SIX5: variants seen among roughly 807,000 people sequenced by gnomAD.
SIX5 encodes the protein SIX homeobox 5.
In SIX5, 21 loss-of-function variants were observed where a neutral mutation model predicts 37.1. The ratio of observed to expected loss-of-function variants is 0.57; its 90% CI spans 0.40 to 0.81. The LOEUF (loss-of-function observed/expected upper bound fraction) is 0.81, where lower values mean the gene tolerates loss of function less well. SIX5 is among the 40% of genes least tolerant of loss of function. The pLI is 0.00. For synonymous variants in SIX5, 626 were observed against 505.9 expected (o/e 1.24, Z -3.19); for missense variants, 1,137 against 1,025.1 (o/e 1.11, Z -1.49).
chr19:45,769,191 G>C lies in SIX5; in HGVS notation c.-347C>G, dbSNP rs1969172206. 1 of 263,752 alleles carries C rather than the reference G, an allele frequency of 3.8e-6. No homozygotes were observed. Among genetic ancestry groups the C allele is most frequent in the Non-Finnish European group, 7.2e-6 (1 of 138,384 alleles). 16.3% of individuals were successfully genotyped at this position (263,752 alleles called of 1,614,324 possible). A position where few individuals can be genotyped will look rare whatever the true frequency, so the allele number is the denominator to read the frequency against. ...GTAACGGGCCGTCCAGGAGGACTAA[G>C]GGCGCGAAGCCTCCGCCCCGAGACT... On this transcript the variant is annotated 5_prime_UTR_variant, in exon 1 of 3. Transcript: ENST00000317578.
In SIX5 at chr19:45,766,656, C is replaced by T. The variant is rs1231110986; in HGVS notation, c.1303G>A (p.Ala435Thr). ...LAQVVPGPPT[A>T]ATFPLPPGPV... ...CCCGGGGGCAGAGGAAAGGTGGCAG[C>T]CGTCGGGGGGCCAGGCACCACTTGG... The change falls in exon 2 of 3, where the codon GCT becomes ACT. Residue 435 changes from alanine to threonine, a missense_variant. Ala to Thr is a moderately conservative substitution (Grantham distance 58). Around this residue, in one of 3 missense-constraint regions of SIX5, gnomAD observed 787 missense variants for 621.4 expected, o/e 1.27. Transcript: ENST00000317578. 2 of 1,483,344 alleles carry T rather than the reference C, an allele frequency of 1.3e-6. No individual in the cohort carries two copies. Among genetic ancestry groups the T allele is most frequent in the South Asian group, 1.3e-5 (1 of 75,204 alleles). The allele number at this position is 1,483,344 out of a possible 1,614,324, so 91.9% of individuals were successfully genotyped here.
intron 2 of SIX5, 119 bp downstream of exon 2, chr19:45,766,231 A>C: frequency 1.3e-6 from 2 of 1,497,384 alleles, no homozygotes; most frequent in South Asian, 1.3e-5. Flanking sequence ...GCCTTGGGGC[A>C]CTGGGACTTG....
In SIX5 at chr19:45,769,178, C is replaced by A. The variant is rs529198386; in HGVS notation, c.-334G>T. The A allele has an allele frequency of 4.2e-4, 131 of 309,416 alleles. No homozygotes were observed. The highest frequency in any genetic ancestry group is 2.7e-3 in the African/African-American group (125 of 45,924). 19.2% of individuals were successfully genotyped at this position (309,416 alleles called of 1,614,324 possible). Reference sequence around the variant, plus strand: ...GACAACGCAGAAGGTAACGGGCCGTCCAGGAGGACTAAGGGCGCGAAGCCT... The same window carrying A: ...GACAACGCAGAAGGTAACGGGCCGTACAGGAGGACTAAGGGCGCGAAGCCT... On this transcript the variant is annotated 5_prime_UTR_variant, in exon 1 of 3. Transcript: ENST00000317578.
Position 45,768,455 on chromosome 19 carries a change from C to A in SIX5, c.390G>T (p.Arg130=), listed in dbSNP as rs772335028. Residue 130 remains arginine (R), a synonymous_variant, in exon 1 of 3, where the codon CGG becomes CGT. Transcript: ENST00000317578. ...LRGSDPVLRA[R]ALVAFQRGEY... ...CGCCCCGCTGGAAGGCCACCAGGGCCCGCGCGCGCAACACCGGGTCGCTGC... is the reference window on the plus strand; with the variant it reads ...CGCCCCGCTGGAAGGCCACCAGGGCACGCGCGCGCAACACCGGGTCGCTGC... 5 of 1,530,926 alleles carry A rather than the reference C, an allele frequency of 3.3e-6. No homozygotes were observed. The South Asian group carries it at 3.6e-5, about 11-fold the overall frequency. 94.8% of individuals were successfully genotyped at this position (1,530,926 alleles called of 1,614,324 possible).
rs1300351523 is a variant in SIX5 at position 45,765,725 on chromosome 19, A to C, written c.1996T>G (p.Ser666Ala). The C allele has an allele frequency of 1.2e-6, 2 of 1,612,500 alleles. No homozygotes were observed. The highest frequency in any genetic ancestry group is 1.3e-5 in the African/African-American group (1 of 74,900). Residue 666 changes from serine (S) to alanine (A), a missense_variant, in exon 3 of 3, where the codon TCA becomes GCA. Physicochemically the swap from Ser to Ala is moderately conservative, Grantham distance 99 (BLOSUM62 1). Around this residue, in one of 3 missense-constraint regions of SIX5, gnomAD observed 787 missense variants for 621.4 expected, o/e 1.27. Transcript: ENST00000317578. ...MLSPAAVPVW[S>A]AGLELSAGTE... ...CCTGCGCTTAGTTCCAGCCCTGCTG[A>C]CCAGACAGGCACGGCCGCGGGTGAC... is the stretch of plus-strand genomic sequence containing the variant.
In SIX5 at chr19:45,768,791, C is replaced by G. The variant is rs961787737; in HGVS notation, c.54G>C (p.Ala18=). Residue 18 remains alanine (A), a synonymous_variant, in exon 1 of 3, where the codon GCG becomes GCC. Coordinates refer to ENST00000317578, the MANE Select transcript of SIX5 (RefSeq NM_175875.5). ...PSAGPAAGGE[A]VAAAAATEEE... ...CTTCGGTCGCCGCCGCCGCCGCCAC[C>G]GCCTCCCCCCCAGCCGCCGGCCCCG... 1.3e-6 allele frequency: 2 copies of G among 1,529,282 alleles called. No individual in the cohort carries two copies. The highest frequency in any genetic ancestry group is 2.0e-4 in the Middle Eastern group (1 of 5,080). 94.7% of individuals were successfully genotyped at this position (1,529,282 alleles called of 1,614,324 possible).
rs577947584 is a variant in SIX5, at chr19:45,765,324, G to T, written c.*177C>A. On this transcript the variant is annotated 3_prime_UTR_variant, in exon 3 of 3. Coordinates refer to ENST00000317578, the MANE Select transcript of SIX5 (RefSeq NM_175875.5). ...CCATCCAAAGGGGGATGGAGACCTG[G>T]ACAGGAGGTGGCCGGGGATACAACC... 66 of 842,682 alleles carry T rather than the reference G, an allele frequency of 7.8e-5. No individual in the cohort carries two copies. In the African/African-American group the frequency reaches 9.6e-4, roughly 12 times the overall value. 52.2% of individuals were successfully genotyped at this position (842,682 alleles called of 1,614,324 possible).
Position 45,765,252 on chromosome 19 carries a change from G to C in SIX5, c.*249C>G. 1 of 597,348 alleles carries C rather than the reference G, an allele frequency of 1.7e-6. No individual in the cohort carries two copies. Among genetic ancestry groups the C allele is most frequent in the South Asian group, 1.9e-5 (1 of 53,530 alleles). The allele number at this position is 597,348 out of a possible 1,614,324, so 37.0% of individuals were successfully genotyped here. A position where few individuals can be genotyped will look rare whatever the true frequency, so the allele number is the denominator to read the frequency against. On this transcript the variant is annotated 3_prime_UTR_variant, in exon 3 of 3. Coordinates refer to ENST00000317578, the MANE Select transcript of SIX5 (RefSeq NM_175875.5). ...TGAGTCAGGACCCTGAGTCCCCCACGTATATGGCAGGGCACAGCATGGGGA... is the reference window on the plus strand; with the variant it reads ...TGAGTCAGGACCCTGAGTCCCCCACCTATATGGCAGGGCACAGCATGGGGA...
At position 45,767,023 on chromosome 19, in the gene SIX5, G is replaced by T; in HGVS notation, c.936C>A (p.Pro312=). 1 of 1,608,642 alleles carries T rather than the reference G, an allele frequency of 6.2e-7. No homozygotes were observed. Among genetic ancestry groups the T allele is most frequent in the Non-Finnish European group, 8.5e-7 (1 of 1,178,930 alleles). Residue 312 remains proline (P), a synonymous_variant, in exon 2 of 3, where the codon CCC becomes CCA. Coordinates refer to ENST00000317578, the MANE Select transcript of SIX5 (RefSeq NM_175875.5). Reference sequence around the variant, plus strand: ...TGGAGGAGGAAGCCGGGCAAGGCGCGGGAGGGCCGGTCCCTGCCAGGAATA... The same window carrying T: ...TGGAGGAGGAAGCCGGGCAAGGCGCTGGAGGGCCGGTCCCTGCCAGGAATA... ...GSIFLAGTGP[P]APCPASSSIL... is the part of the protein sequence containing the mutation.
chr19:45,768,774 G>A lies in SIX5; in HGVS notation c.71C>T (p.Ala24Val), dbSNP rs1008770522. The change falls in exon 1 of 3, where the codon GCG (alanine) becomes GTG (valine). Residue 24 changes from alanine to valine, a missense_variant. Transcript: ENST00000317578. ...CGCTTCCTCCTCCTCCTCTTCGGTC[G>A]CCGCCGCCGCCGCCACCGCCTCCCC... is the stretch of plus-strand genomic sequence containing the variant. The part of the protein sequence containing the change: ...AGGEAVAAAA[A>V]TEEEEEEARQ... 6 of 1,517,684 alleles carry A rather than the reference G, an allele frequency of 4.0e-6. No individual in the cohort carries two copies. The highest frequency in any genetic ancestry group is 1.4e-5 in the African/African-American group (1 of 72,182). The allele number at this position is 1,517,684 out of a possible 1,614,324, so 94.0% of individuals were successfully genotyped here. A position where few individuals can be genotyped will look rare whatever the true frequency, so the allele number is the denominator to read the frequency against.
rs756132352 is a variant in SIX5 at position 45,768,239 on chromosome 19, C to T, written c.606G>A (p.Glu202=). The T allele has an allele frequency of 1.2e-5, 19 of 1,613,008 alleles. No homozygotes were observed. Among genetic ancestry groups the T allele is most frequent in the Middle Eastern group, 3.3e-4 (2 of 6,084 alleles). Residue 202 remains glutamate, a synonymous_variant, in exon 1 of 3, where the codon GAG becomes GAA. Coordinates refer to ENST00000317578, the MANE Select transcript of SIX5 (RefSeq NM_175875.5). ...FPLPKTIWDG[E]ETVYCFKERS... The stretch of plus-strand genomic sequence containing the variant: ...GCTCCTTGAAGCAGTAGACTGTCTC[C>T]TCGCCGTCCCAGATGGTCTTGGGCA...
At chr19:45,767,712 C>T (rs1253138555) in intron 1 of SIX5, 2 of 417,568 alleles carry the variant, frequency 4.8e-6, no homozygotes, top group Non-Finnish European at 8.6e-6. Flanking sequence ...GCAGCCCCTA[C>T]GCGGAGTGGA....
In SIX5 at chr19:45,769,010, A is replaced by C; in HGVS notation, c.-166T>G. 6 of 611,654 alleles carry C rather than the reference A, an allele frequency of 9.8e-6. No individual in the cohort carries two copies. The highest frequency in any genetic ancestry group is 4.1e-5 in the South Asian group (2 of 48,982). The allele number at this position is 611,654 out of a possible 1,614,324, so 37.9% of individuals were successfully genotyped here. A position where few individuals can be genotyped will look rare whatever the true frequency, so the allele number is the denominator to read the frequency against. On this transcript the variant is annotated 5_prime_UTR_variant, in exon 1 of 3. Coordinates refer to ENST00000317578, the MANE Select transcript of SIX5 (RefSeq NM_175875.5). ...CCGGGAAGGCGAGATCCAGCTCTCCACTCGGGTCTCTGTCCCCTTGTGTGT... is the reference window on the plus strand; with the variant it reads ...CCGGGAAGGCGAGATCCAGCTCTCCCCTCGGGTCTCTGTCCCCTTGTGTGT...
At position 45,768,603 on chromosome 19, in the gene SIX5, G is replaced by A. The variant is rs1969140379; in HGVS notation, c.242C>T (p.Pro81Leu). Reference sequence around the variant, plus strand: ...CTCGGGCGAGAAGCGGAGGCCCGTGGGCGGTTCGGAAGCGGCCTCGGGGGG... The same window carrying A: ...CTCGGGCGAGAAGCGGAGGCCCGTGAGCGGTTCGGAAGCGGCCTCGGGGGG... ...GSPPEAASEP[P>L]TGLRFSPEQV... The change falls in exon 1 of 3, where the codon CCC (proline) becomes CTC (leucine). Residue 81 changes from proline (P) to leucine (L), a missense_variant. Around this residue, in one of 3 missense-constraint regions of SIX5, gnomAD observed 331 missense variants for 360.9 expected, o/e 0.92. Transcript: ENST00000317578. 1.5e-6 allele frequency: 2 copies of A among 1,324,330 alleles called. No homozygotes were observed. Among genetic ancestry groups the A allele is most frequent in the African/African-American group, 1.5e-5 (1 of 64,608 alleles). The allele number at this position is 1,324,330 out of a possible 1,614,324, so 82.0% of individuals were successfully genotyped here.
rs1340941210 is a variant in SIX5, at chr19:45,768,966, G to C, written c.-122C>G. 4 of 966,894 alleles carry C rather than the reference G, an allele frequency of 4.1e-6. No homozygotes were observed. Among genetic ancestry groups the C allele is most frequent in the Non-Finnish European group, 6.0e-6 (4 of 665,846 alleles). 59.9% of individuals were successfully genotyped at this position (966,894 alleles called of 1,614,324 possible). A position where few individuals can be genotyped will look rare whatever the true frequency, so the allele number is the denominator to read the frequency against. ...CCCGCTCTTCTCGATCTTCTTTCTG[G>C]CCGACCCTGCGCCCCACGCCGGGAA... On this transcript the variant is annotated 5_prime_UTR_variant, in exon 1 of 3. Coordinates refer to ENST00000317578, the MANE Select transcript of SIX5 (RefSeq NM_175875.5).
Position 45,766,708 on chromosome 19 carries a change from A to G in SIX5, c.1251T>C (p.Leu417=). 3.9e-6 allele frequency: 6 copies of G among 1,549,602 alleles called. No individual in the cohort carries two copies. The highest frequency in any genetic ancestry group is 5.2e-6 in the Non-Finnish European group (6 of 1,149,710). ...CCAGGGGCCCCAGGACCTCCTCTCC[A>G]AGGGCTGGTCCCGGAGCAGCCACCT... The part of the protein sequence containing the change: ...GAQVAAPGPA[L]GEEVLGPLAQ... Residue 417 remains leucine, a synonymous_variant, in exon 2 of 3, where the codon CTT becomes CTC. Coordinates refer to ENST00000317578, the MANE Select transcript of SIX5 (RefSeq NM_175875.5).
At position 45,769,004 on chromosome 19, in the gene SIX5, C is replaced by T. The variant is rs951709982; in HGVS notation, c.-160G>A. The T allele has an allele frequency of 1.5e-6, 1 of 669,680 alleles. No individual in the cohort carries two copies. The highest frequency in any genetic ancestry group is 2.5e-6 in the Non-Finnish European group (1 of 395,584). 41.5% of individuals were successfully genotyped at this position (669,680 alleles called of 1,614,324 possible). A position where few individuals can be genotyped will look rare whatever the true frequency, so the allele number is the denominator to read the frequency against. ...CCCACGCCGGGAAGGCGAGATCCAG[C>T]TCTCCACTCGGGTCTCTGTCCCCTT... On this transcript the variant is annotated 5_prime_UTR_variant, in exon 1 of 3. Transcript: ENST00000317578.
At position 45,767,025 on chromosome 19, in the gene SIX5, G is replaced by A. The variant is rs761336591; in HGVS notation, c.934C>T (p.Pro312Ser). The change falls in exon 2 of 3, where the codon CCC (proline) becomes TCC (serine). Residue 312 changes from proline (P) to serine (S), a missense_variant. This residue lies in a region of SIX5 where 787 missense variants were observed against 621.4 expected (regional missense o/e 1.27). Coordinates refer to ENST00000317578, the MANE Select transcript of SIX5 (RefSeq NM_175875.5). ...GAGGAGGAAGCCGGGCAAGGCGCGGGAGGGCCGGTCCCTGCCAGGAATATG... is the reference window on the plus strand; with the variant it reads ...GAGGAGGAAGCCGGGCAAGGCGCGGAAGGGCCGGTCCCTGCCAGGAATATG... ...GSIFLAGTGP[P>S]APCPASSSIL... The A allele has an allele frequency of 6.2e-7, 1 of 1,609,052 alleles. No individual in the cohort carries two copies. Among genetic ancestry groups the A allele is most frequent in the Non-Finnish European group, 8.5e-7 (1 of 1,179,040 alleles).
rs923345155 is a variant in SIX5 at position 45,767,258 on chromosome 19, G to A, written c.804-103C>T. ...CCTTTCCCTGGCCCAAGTTTCGGTGGATCATTCCAGGGGTTATGACGCCTC... is the reference window on the plus strand; with the variant it reads ...CCTTTCCCTGGCCCAAGTTTCGGTGAATCATTCCAGGGGTTATGACGCCTC... On this transcript the variant is annotated intron_variant, in intron 1 of 2. Coordinates refer to ENST00000317578, the MANE Select transcript of SIX5 (RefSeq NM_175875.5). The A allele has an allele frequency of 3.6e-5, 45 of 1,239,484 alleles. No homozygotes were observed. In the African/African-American group the frequency reaches 5.2e-4, roughly 14 times the overall value. 76.8% of individuals were successfully genotyped at this position (1,239,484 alleles called of 1,614,324 possible). A position where few individuals can be genotyped will look rare whatever the true frequency, so the allele number is the denominator to read the frequency against.
Sources: gnomAD v4.1 joint callset for allele counts on GRCh38, gnomAD v4.1.1 for gene constraint, gnomAD v4.1.1 regional missense constraint, MANE v1.5 for transcripts, NCBI Gene and HGNC (gene_info 2026-07-23, HGNC 2026-07-21) for gene names.